The following NALF1 variants were observed in gnomAD, a reference collection of about 807,000 sequenced individuals.
The protein encoded by NALF1 is family with sequence similarity 155 member A.
A neutral mutation model predicts 48.4 loss-of-function variants in NALF1; 3 were observed. The ratio of observed to expected loss-of-function variants is 0.06; its 90% confidence interval spans 0.03 to 0.16. The LOEUF is 0.16. Among genes scored for constraint, NALF1 ranks in the 10% least tolerant of loss-of-function variants. The pLI, the probability that NALF1 is intolerant of heterozygous loss-of-function variation, is 1.00. For synonymous variants in NALF1, 262 were observed against 245.7 expected (o/e 1.07, Z -0.62); for missense variants, 526 against 571.5 (o/e 0.92, Z 0.81).
intron 1 of NALF1, among the ~76,000 whole-genome samples, chr13:107,315,648 T>C (rs1405639303): frequency 1.3e-5 from 2 of 152,036 alleles, no homozygotes; most frequent in Non-Finnish European, 2.9e-5. Context: ...TGAAACGTAA[T>C]CCTTTCAGGT....
chr13:107,589,444 A>G (rs903609390), intron 1 of NALF1, among the ~76,000 whole-genome samples: 1 of 152,074 alleles, frequency 6.6e-6, no homozygotes, highest in African/African-American at 2.4e-5. Flanking sequence ...AGTGCATTGA[A>G]TCAACAGCAA....
chr13:107,753,354 C>A (rs1051933926), intron 1 of NALF1, among the ~76,000 whole-genome samples: 7 of 152,316 alleles, frequency 4.6e-5, no homozygotes, highest in Non-Finnish European at 1.0e-4. Flanking sequence ...TCTGAGATTA[C>A]AATGAATTTT....
intron 1 of NALF1, among the ~76,000 whole-genome samples, chr13:107,451,465 A>G (rs915355195): frequency 2.6e-5 from 4 of 152,194 alleles, no homozygotes; most frequent in Non-Finnish European, 4.4e-5. Flanking sequence ...TGGAGTCGTG[A>G]GTGTGTGGAT....
intron 1 of NALF1, among the ~76,000 whole-genome samples, chr13:107,749,194 C>T (rs951820703): frequency 6.6e-5 from 10 of 150,880 alleles, no homozygotes; most frequent in Non-Finnish European, 1.2e-4. Flanking sequence ...CATATTAAAA[C>T]GCTGAGAAAC....
intron 1 of NALF1, among the ~76,000 whole-genome samples, chr13:107,414,804 G>A (rs1884056846): frequency 7.0e-6 from 1 of 143,470 alleles, no homozygotes; most frequent in Admixed American, 7.2e-5. Context: ...ACAGTTGTGT[G>A]TGGAGTGAGT....
At chr13:107,763,886 C>T (rs974491075) in intron 1 of NALF1, among the ~76,000 whole-genome samples, 1 of 152,160 alleles carries the variant, frequency 6.6e-6, no homozygotes, top group African/African-American at 2.4e-5. Flanking sequence ...TATGCTGTGT[C>T]ACCCTATCCT....
At chr13:107,280,706 C>A (rs1052574189) in intron 1 of NALF1, among the ~76,000 whole-genome samples, 1 of 152,104 alleles carries the variant, frequency 6.6e-6, no homozygotes, top group African/African-American at 2.4e-5. Flanking sequence ...CGAATTGCCA[C>A]CTTTAGGCAA....
At chr13:107,506,623 T>C (rs1875703672) in intron 1 of NALF1, among the ~76,000 whole-genome samples, 1 of 152,176 alleles carries the variant, frequency 6.6e-6, no homozygotes, top group African/African-American at 2.4e-5. Context: ...TTCATATGCA[T>C]AACATGACTA....
At chr13:107,246,326 A>G (rs16952130) in intron 1 of NALF1, among the ~76,000 whole-genome samples, 17,582 of 152,206 alleles carry the variant, frequency 0.12, 1,143 homozygotes, top group Admixed American at 0.17. Flanking sequence ...ATAGTTATTA[A>G]GTTGTGATTT....
intron 1 of NALF1, among the ~76,000 whole-genome samples, chr13:107,382,105 C>T (rs1883450715): frequency 6.6e-6 from 1 of 152,156 alleles, no homozygotes; most frequent in Non-Finnish European, 1.5e-5. Context: ...TCTGAAAGTA[C>T]CCCCTCATTT....
At chr13:107,672,105 C>T (rs889038589) in intron 1 of NALF1, among the ~76,000 whole-genome samples, 7 of 152,186 alleles carry the variant, frequency 4.6e-5, no homozygotes, top group Admixed American at 3.3e-4. Flanking sequence ...CTGGACACTC[C>T]GGGGTCCGCA....
At chr13:107,196,335 A>G (rs539231616) in intron 2 of NALF1, among the ~76,000 whole-genome samples, 27 of 152,332 alleles carry the variant, frequency 1.8e-4, no homozygotes, top group African/African-American at 6.0e-4. Flanking sequence ...ATCATTTATA[A>G]GTCTCTAGAA....
At position 107,556,276 on chromosome 13, in the gene NALF1, T is replaced by A. The variant is rs1417673765; in HGVS notation, c.915+309406A>T. 5.7e-4 allele frequency among the ~76,000 whole-genome samples: 18 copies of A among 31,378 alleles called. No homozygotes were observed. The East Asian group carries it at 0.013, about 22-fold the overall frequency. The allele number at this position is 31,378 out of a possible 152,430, so 20.6% of individuals were successfully genotyped here. A position where few individuals can be genotyped will look rare whatever the true frequency, so the allele number is the denominator to read the frequency against. ...TCTCCTCTCTCTCTCTCTCAACATA[T>A]ATATATATATATATATATATACACA... On this transcript the variant is annotated intron_variant, in intron 1 of 2. Transcript: ENST00000375915.
intron 1 of NALF1, among the ~76,000 whole-genome samples, chr13:107,838,229 C>T (rs1356018582): frequency 6.6e-6 from 1 of 151,912 alleles, no homozygotes; most frequent in East Asian, 1.9e-4. Context: ...ATCATCGGCA[C>T]CTGGGGGATT....
At chr13:107,425,250 T>C (rs972679125) in intron 1 of NALF1, among the ~76,000 whole-genome samples, 3 of 152,158 alleles carry the variant, frequency 2.0e-5, no homozygotes, top group Admixed American at 6.6e-5. Context: ...AATTTAGATA[T>C]GTTCTTCCTG....
rs370028421 is a variant in NALF1 at position 107,368,156 on chromosome 13, A to G, written c.916-157401T>C. Among the ~76,000 whole-genome samples, 7 of 152,266 alleles carry G rather than the reference A, an allele frequency of 4.6e-5. No individual in the cohort carries two copies. The East Asian group carries it at 1.2e-3, about 25-fold the overall frequency. On this transcript the variant is annotated intron_variant, in intron 1 of 2. Transcript: ENST00000375915. ...CATGAGTCTTTGCATCTAGGAAACA[A>G]AGGGTTATTGCCCCATACTAAAAGT...
At position 107,624,832 on chromosome 13, in the gene NALF1, T is replaced by C. The variant is rs1192147931; in HGVS notation, c.915+240850A>G. ...TTATCTTCCTAATAAAGGAGGGGGG[T>C]GCAGAAAGAGATATGAGATTATGAA... On this transcript the variant is annotated intron_variant, in intron 1 of 2. Transcript: ENST00000375915. 2.0e-5 allele frequency among the ~76,000 whole-genome samples: 3 copies of C among 151,238 alleles called. No individual in the cohort carries two copies. The East Asian group carries it at 5.8e-4, about 29-fold the overall frequency.
chr13:107,249,951 C>T (rs1172144533), intron 1 of NALF1, among the ~76,000 whole-genome samples: 4 of 152,078 alleles, frequency 2.6e-5, no homozygotes, highest in Non-Finnish European at 4.4e-5. Context: ...GGTCCTCAAC[C>T]TTCCTTAGTA....
chr13:107,689,561 T>C (rs1038913855), intron 1 of NALF1, among the ~76,000 whole-genome samples: 6 of 152,108 alleles, frequency 3.9e-5, no homozygotes, highest in African/African-American at 7.2e-5. Flanking sequence ...GAGCCTAAAT[T>C]TGAACTCTAA....
Sources: gnomAD v4.1 joint callset for allele counts (sites outside exome capture counted in the v4.1 genomes callset) on GRCh38, gnomAD v4.1.1 for gene constraint, MANE v1.5 for transcripts, NCBI Gene and HGNC (gene_info 2026-07-23, HGNC 2026-07-21) for gene names.